PAM: variants seen among roughly 807,000 people sequenced by gnomAD.
PAM encodes the protein peptidyl-glycine alpha-amidating monooxygenase.
In PAM, 72 loss-of-function variants were observed where a neutral mutation model predicts 122.1. The ratio of observed to expected loss-of-function variants is 0.59; its 90% CI spans 0.49 to 0.72. The LOEUF (loss-of-function observed/expected upper bound fraction) is 0.72. PAM is among the 30% of genes least tolerant of loss of function. The probability of loss-of-function intolerance (pLI) is 0.00; values close to 1 mark genes in which losing one functional copy is unlikely to be tolerated. For missense variants in PAM, 1,106 were observed against 1,183.7 expected (o/e 0.93, Z 0.96); for synonymous variants, 389 against 404.4 (o/e 0.96, Z 0.46).
At chr5:102,763,524 T>C (rs1222453687) in intron 1 of PAM, among the ~76,000 whole-genome samples, 1 of 152,220 alleles carries the variant, frequency 6.6e-6, no homozygotes, top group African/African-American at 2.4e-5. Context: ...CAAATAATTA[T>C]GTATAATTAC....
At chr5:102,782,377 C>A (rs1759209580) in intron 1 of PAM, among the ~76,000 whole-genome samples, 1 of 151,908 alleles carries the variant, frequency 6.6e-6, no homozygotes, top group South Asian at 2.1e-4. Context: ...TTTGTTTTCC[C>A]CCCAGAGGAA....
chr5:102,803,209 A>AAGGAAGGAAGGAAG (rs1561487405), intron 1 of PAM, among the ~76,000 whole-genome samples: 6 of 31,150 alleles, frequency 1.9e-4, no homozygotes, highest in Non-Finnish European at 4.2e-4. Context: ...AAGGAAGGAA[A>AAGGAAGGAAGGAAG]GAAGGAAGGA....
Position 102,974,238 on chromosome 5 carries a change from G to A in PAM, c.1285G>A (p.Val429Ile). The A allele has an allele frequency of 6.2e-7, 1 of 1,614,018 alleles. No individual in the cohort carries two copies. Among genetic ancestry groups the A allele is most frequent in the Non-Finnish European group, 8.5e-7 (1 of 1,179,928 alleles). The change falls in exon 15 of 26, where the codon GTA (valine) becomes ATA (isoleucine). Residue 429 changes from valine (V) to isoleucine (I), a missense_variant. By Grantham distance (29) the Val-to-Ile change is conservative (BLOSUM62 3). Around this residue, in one of 3 missense-constraint regions of PAM, gnomAD observed 670 missense variants for 690.3 expected, o/e 0.97. Transcript: ENST00000438793. ...ESDLVAEIAN[V>I]VQKKDLGRSD... ...AGACCTGGTAGCTGAGATTGCAAAT[G>A]TAGTCCAAAAAAAGGATCTTGGTCG...
At chr5:102,852,363 C>CTCTA (rs565242526) in intron 1 of PAM, among the ~76,000 whole-genome samples, 69 of 152,040 alleles carry the variant, frequency 4.5e-4, no homozygotes, top group African/African-American at 1.5e-3. Context: ...TAAATATGAT[C>CTCTA]TCTATCAAAT....
At chr5:102,916,136 G>A (rs1803015531) in intron 5 of PAM, among the ~76,000 whole-genome samples, 1 of 152,114 alleles carries the variant, frequency 6.6e-6, no homozygotes, top group African/African-American at 2.4e-5. Context: ...CTGAGATGGA[G>A]TTCTTGTCTT....
chr5:102,917,384 T>C (rs1387473391), intron 5 of PAM, among the ~76,000 whole-genome samples: 3 of 152,220 alleles, frequency 2.0e-5, no homozygotes, highest in Non-Finnish European at 4.4e-5. Context: ...TCAATTATTC[T>C]AAGACATAGA....
chr5:102,823,848 A>G (rs983878677), intron 1 of PAM, among the ~76,000 whole-genome samples: 2 of 152,202 alleles, frequency 1.3e-5, no homozygotes, highest in Admixed American at 1.3e-4. Flanking sequence ...AACTTGTTAT[A>G]TGCAGGTCAC....
At chr5:102,836,335 C>T (rs761968304) in intron 1 of PAM, among the ~76,000 whole-genome samples, 14 of 152,256 alleles carry the variant, frequency 9.2e-5, no homozygotes, top group Non-Finnish European at 1.5e-4. Flanking sequence ...ATCAGTCTGA[C>T]GAACTCTTGC....
intron 5 of PAM, among the ~76,000 whole-genome samples, chr5:102,924,129 A>G (rs1320981686): frequency 2.0e-5 from 3 of 152,142 alleles, no homozygotes; most frequent in Non-Finnish European, 4.4e-5. Flanking sequence ...TGCATGTATA[A>G]GATCAAGAAC....
At chr5:102,784,500 G>A (rs1027459743) in intron 1 of PAM, among the ~76,000 whole-genome samples, 15 of 152,118 alleles carry the variant, frequency 9.9e-5, no homozygotes, top group Non-Finnish European at 2.1e-4. Flanking sequence ...AGTCACTAAC[G>A]TTTGGTATTC....
rs544616814 is a variant in PAM at position 102,862,577 on chromosome 5, G to C, written c.-373-3246G>C. ...TTTATTTGTTTCTCTCCCCCAGAAA[G>C]TAATTTCTATAAGAGTGGGAACGTT... On this transcript the variant is annotated intron_variant, in intron 1 of 25. Coordinates refer to ENST00000438793, the MANE Select transcript of PAM (RefSeq NM_001177306.2). 1.2e-4 allele frequency among the ~76,000 whole-genome samples: 18 copies of C among 152,236 alleles called. No individual in the cohort carries two copies. In the East Asian group the frequency reaches 2.9e-3, roughly 24 times the overall value.
intron 21 of PAM, among the ~76,000 whole-genome samples, chr5:103,012,752 A>G (rs2151163467): frequency 6.6e-6 from 1 of 151,476 alleles, no homozygotes; most frequent in South Asian, 2.1e-4. Flanking sequence ...GCTACTCTGG[A>G]GGCTGAGGCA....
chr5:102,832,337 C>T (rs951811688), intron 1 of PAM, among the ~76,000 whole-genome samples: 7 of 152,058 alleles, frequency 4.6e-5, no homozygotes, highest in African/African-American at 1.7e-4. Flanking sequence ...ATGTCCACTT[C>T]CTCCCAGTTA....
intron 23 of PAM, among the ~76,000 whole-genome samples, chr5:103,023,117 T>C (rs1040831399): frequency 5.3e-5 from 8 of 152,116 alleles, no homozygotes; most frequent in African/African-American, 1.9e-4. Flanking sequence ...ATGTATTATA[T>C]CTTAGTAAGT....
Position 103,028,849 on chromosome 5 carries a change from A to C in PAM, c.2744-38A>C, listed in dbSNP as rs746782924. ...TTACAAGGTAACAGACATTGCTGCA[A>C]ACTTTACCCAATTCTGTTATTGTTT... On this transcript the variant is annotated intron_variant, in intron 25 of 25. Transcript: ENST00000438793. 3.4e-6 allele frequency: 5 copies of C among 1,465,660 alleles called. No homozygotes were observed. The African/African-American group carries it at 7.1e-5, about 21-fold the overall frequency. 90.8% of individuals were successfully genotyped at this position (1,465,660 alleles called of 1,614,324 possible).
chr5:102,925,894 A>T (rs66759661), intron 6 of PAM, among the ~76,000 whole-genome samples: 43,546 of 152,058 alleles, frequency 0.29, 6,521 homozygotes, highest in East Asian at 0.43. Context: ...ATTCCAAAAA[A>T]TCACTGAGAT....
chr5:102,766,505 T>C (rs1371239561), intron 1 of PAM, among the ~76,000 whole-genome samples: 2 of 152,150 alleles, frequency 1.3e-5, no homozygotes, highest in African/African-American at 4.8e-5. Context: ...ATGTGAGCGA[T>C]GGGGAGTGGC....
chr5:102,758,735 C>T (rs1751400503), intron 1 of PAM, among the ~76,000 whole-genome samples: 1 of 152,126 alleles, frequency 6.6e-6, no homozygotes, highest in Non-Finnish European at 1.5e-5. Flanking sequence ...CTGTTGTCAG[C>T]ATTAAATGAG....
intron 7 of PAM, among the ~76,000 whole-genome samples, chr5:102,932,587 GTA>G (rs543442851): frequency 6.8e-6 from 1 of 148,106 alleles, no homozygotes. Flanking sequence ...ACATATAATT[GTA>G]TATATATATC....
Sources: gnomAD v4.1 joint callset for allele counts (sites outside exome capture counted in the v4.1 genomes callset) on GRCh38, gnomAD v4.1.1 for gene constraint, gnomAD v4.1.1 regional missense constraint, MANE v1.5 for transcripts, NCBI Gene and HGNC (gene_info 2026-07-23, HGNC 2026-07-21) for gene names.